The following CELF2 variants were observed in gnomAD, a reference collection of about 807,000 sequenced individuals.
CELF2 encodes the protein CUG triplet repeat RNA-binding protein 2.
In CELF2, 8 loss-of-function variants were observed where a neutral mutation model predicts 62.6. The ratio of observed to expected loss-of-function variants is 0.13; its 90% CI spans 0.07 to 0.23. CELF2 has a LOEUF of 0.23. Ranked by LOEUF, CELF2 falls within the 10% of genes least tolerant of loss-of-function variation. The pLI, the probability that CELF2 is intolerant of heterozygous loss-of-function variation, is 1.00. For synonymous variants in CELF2, 258 were observed against 250.0 expected (o/e 1.03, Z -0.30); for missense variants, 333 against 671.0 (o/e 0.50, Z 5.56).
At chr10:10,599,545 T>C in the CELF2 span, among the ~76,000 whole-genome samples, 36,821 of 151,756 alleles carry the variant, frequency 0.24, 4,992 homozygotes, top group South Asian at 0.51. Flanking sequence ...GTACGGGGAG[T>C]TGACAGTCAG....
the CELF2 span, among the ~76,000 whole-genome samples, chr10:10,777,644 T>C: frequency 6.6e-6 from 1 of 152,190 alleles, no homozygotes; most frequent in Non-Finnish European, 1.5e-5. Flanking sequence ...TTCGTTCCAG[T>C]CCATGTTTCC....
At chr10:10,636,861 T>A in the CELF2 span, among the ~76,000 whole-genome samples, 39 of 152,292 alleles carry the variant, frequency 2.6e-4, no homozygotes, top group Admixed American at 2.4e-3. Context: ...TTTGCAAGTG[T>A]GATAATGAAA....
chr10:10,929,500 A>G (rs1379384664), intron 2 of CELF2: 2 of 152,222 alleles, frequency 1.3e-5, no homozygotes, highest in Non-Finnish European at 2.9e-5. Flanking sequence ...AAGAGAAGAT[A>G]CCATATTACA....
At chr10:11,169,484 AGGT>A (rs2068184136) in intron 2 of CELF2, among the ~76,000 whole-genome samples, 2 of 152,228 alleles carry the variant, frequency 1.3e-5, no homozygotes, top group African/African-American at 4.8e-5. Context: ...TCAGGCATGC[AGGT>A]GCGGAAGTGC....
At chr10:10,764,751 C>A in the CELF2 span, among the ~76,000 whole-genome samples, 5 of 152,174 alleles carry the variant, frequency 3.3e-5, no homozygotes, top group Admixed American at 6.5e-5. Context: ...TATTTGACAA[C>A]TGGAAGTAAC....
At chr10:10,711,355 T>G in the CELF2 span, among the ~76,000 whole-genome samples, 4 of 152,186 alleles carry the variant, frequency 2.6e-5, no homozygotes. Context: ...GTGTTTCTTA[T>G]GGGTTTTGTT....
At chr10:11,044,470 T>A (rs1185864464) in intron 1 of CELF2, among the ~76,000 whole-genome samples, 1 of 152,226 alleles carries the variant, frequency 6.6e-6, no homozygotes, top group Admixed American at 6.5e-5. Flanking sequence ...AAAAGACTTC[T>A]ATATGTACGT....
chr10:11,197,790 G>A (rs1028362036), intron 2 of CELF2, among the ~76,000 whole-genome samples: 10 of 152,230 alleles, frequency 6.6e-5, no homozygotes, highest in African/African-American at 2.2e-4. Flanking sequence ...TGCTTAGTGT[G>A]CTAGTATATA....
intron 1 of CELF2, among the ~76,000 whole-genome samples, chr10:10,808,247 A>G (rs1054801956): frequency 6.6e-6 from 1 of 152,236 alleles, no homozygotes; most frequent in African/African-American, 2.4e-5. Flanking sequence ...CCTGGACACA[A>G]AGGGCATTGA....
intron 1 of CELF2, among the ~76,000 whole-genome samples, chr10:10,910,176 G>A (rs1004880721): frequency 7.2e-5 from 11 of 152,228 alleles, no homozygotes; most frequent in African/African-American, 2.4e-4. Flanking sequence ...CCTTTTAAAC[G>A]AACTTATATA....
chr10:11,135,447 T>C (rs917687959), intron 1 of CELF2, among the ~76,000 whole-genome samples: 1 of 152,250 alleles, frequency 6.6e-6, no homozygotes, highest in Non-Finnish European at 1.5e-5. Context: ...TGAATGTCTG[T>C]GAAACGTGCA....
In CELF2 at chr10:11,330,164, A is replaced by G. The variant is rs2132870112; in HGVS notation, c.*1111A>G. ...ACTTCCATTATCTAGTTTACAGTTCAGTCGTCTGACTTTCCCCGTATGTCA... is the reference window on the plus strand; with the variant it reads ...ACTTCCATTATCTAGTTTACAGTTCGGTCGTCTGACTTTCCCCGTATGTCA... On this transcript the variant is annotated 3_prime_UTR_variant, in exon 13 of 13. Transcript: ENST00000633077. This position sits in a 1 kb window ranked among gnomAD's most constrained non-coding sequence, Gnocchi z 4.5. The G allele has an allele frequency of 6.5e-6, 1 of 152,712 alleles. No individual in the cohort carries two copies. Among genetic ancestry groups the G allele is most frequent in the East Asian group, 1.9e-4 (1 of 5,190 alleles). 9.5% of individuals were successfully genotyped at this position (152,712 alleles called of 1,614,324 possible). A position where few individuals can be genotyped will look rare whatever the true frequency, so the allele number is the denominator to read the frequency against.
chr10:11,205,422 G>C (rs2060209469), intron 2 of CELF2, among the ~76,000 whole-genome samples: 1 of 152,164 alleles, frequency 6.6e-6, no homozygotes, highest in Admixed American at 6.5e-5. Context: ...AATTTAAAGT[G>C]GACAATAGCT....
intron 1 of CELF2, among the ~76,000 whole-genome samples, chr10:11,090,635 A>G (rs1057484368): frequency 7.9e-5 from 12 of 152,236 alleles, no homozygotes; most frequent in Non-Finnish European, 1.5e-4. Flanking sequence ...ATATCCAGCA[A>G]TAAGAGAATA....
At chr10:11,112,661 A>T (rs2055504361) in intron 1 of CELF2, among the ~76,000 whole-genome samples, 2 of 152,258 alleles carry the variant, frequency 1.3e-5, no homozygotes, top group African/African-American at 4.8e-5. Flanking sequence ...GTAAACAACG[A>T]TATTTATGGG....
intron 2 of CELF2, among the ~76,000 whole-genome samples, chr10:10,956,127 A>G (rs931316485): frequency 3.9e-5 from 6 of 152,222 alleles, no homozygotes; most frequent in Non-Finnish European, 8.8e-5. Context: ...AGATATTTTT[A>G]TAGCAACATC....
intron 2 of CELF2, among the ~76,000 whole-genome samples, chr10:11,181,909 G>A (rs749016012): frequency 8.5e-5 from 13 of 152,154 alleles, no homozygotes; most frequent in South Asian, 2.1e-4. Context: ...TTCATGGCAC[G>A]TTGACATGGA....
chr10:11,291,331 C>A (rs2092499149), intron 9 of CELF2, among the ~76,000 whole-genome samples: 1 of 152,182 alleles, frequency 6.6e-6, no homozygotes, highest in East Asian at 1.9e-4. Context: ...AGTCTCCCTA[C>A]AGCATTATTA....
Position 11,321,127 on chromosome 10 carries a change from C to T in CELF2, c.1097-62C>T. On this transcript the variant is annotated intron_variant, in intron 10 of 12. Coordinates refer to ENST00000633077, the MANE Select transcript of CELF2 (RefSeq NM_001326342.2). The surrounding 1 kb of genome is among the most constrained non-coding windows in gnomAD (Gnocchi z 6.2). The stretch of plus-strand genomic sequence containing the variant: ...TGTGTTTAAATGATTCTCTAACTTC[C>T]TTTGGAAAGCACTAATGAATAAGTG... 1 of 1,551,536 alleles carries T rather than the reference C, an allele frequency of 6.4e-7. No individual in the cohort carries two copies. The highest frequency in any genetic ancestry group is 8.9e-7 in the Non-Finnish European group (1 of 1,124,512).
Sources: gnomAD v4.1 joint callset for allele counts (sites outside exome capture counted in the v4.1 genomes callset) on GRCh38, gnomAD v4.1.1 for gene constraint, Gnocchi (gnomAD v3.1) non-coding constraint, MANE v1.5 for transcripts, NCBI Gene and HGNC (gene_info 2026-07-23, HGNC 2026-07-21) for gene names.